DSG4: variants seen among roughly 807,000 people sequenced by gnomAD.
DSG4 encodes the protein desmoglein-4.
A neutral mutation model predicts 93.1 loss-of-function variants in DSG4; 87 were observed. That is an observed-to-expected ratio of 0.93 (90% confidence interval 0.79 to 1.12). The LOEUF (loss-of-function observed/expected upper bound fraction) is 1.12, where lower values mean the gene tolerates loss of function less well. Among genes scored for constraint, DSG4 ranks in the 50% most tolerant of loss-of-function variants. The pLI is 0.00. For missense variants in DSG4, 1,373 were observed against 1,285.7 expected (o/e 1.07, Z -1.04); for synonymous variants, 432 against 452.9 (o/e 0.95, Z 0.59).
chr18:31,413,548 C>T lies in DSG4; in HGVS notation c.3076C>T (p.Arg1026Ter), dbSNP rs1417105224. Residue 1026 changes from arginine to a stop codon, truncating the protein, a stop_gained, in exon 16 of 16, where the codon CGA becomes TGA. Transcript: ENST00000308128. LOFTEE classifies it high-confidence loss of function. Reference sequence around the variant, plus strand: ...TGGCTCCACATCCCCCATGACATCTCGACACAGAGTAACACGATACAGTAA... The same window carrying T: ...TGGCTCCACATCCCCCATGACATCTTGACACAGAGTAACACGATACAGTAA... ...TVGSTSPMTS[R>*]HRVTRYSNIH... is the part of the protein sequence containing the mutation. 21 of 1,613,878 alleles carry T rather than the reference C, an allele frequency of 1.3e-5. No homozygotes were observed. The highest frequency in any genetic ancestry group is 5.3e-5 in the African/African-American group (4 of 74,878).
intron 5 of DSG4, among the ~76,000 whole-genome samples, chr18:31,389,580 A>G (rs2072226672): frequency 6.6e-6 from 1 of 151,618 alleles, no homozygotes; most frequent in Non-Finnish European, 1.5e-5. Context: ...ATTCTCCTGA[A>G]CTTCTTTCCT....
chr18:31,392,376 A>G, intron 8 of DSG4, 36 bp downstream of exon 8: 1 of 1,605,256 alleles, frequency 6.2e-7, no homozygotes, highest in Non-Finnish European at 8.5e-7. Flanking sequence ...TTCTTCCAAA[A>G]TATTTTATTC....
At chr18:31,411,083 G>A in intron 14 of DSG4, 148 bp from the exon 15 acceptor site, 2 of 1,561,170 alleles carry the variant, frequency 1.3e-6, no homozygotes, top group Non-Finnish European at 8.7e-7. Context: ...GAGATGTATC[G>A]GTGTAACTTG....
intron 8 of DSG4, among the ~76,000 whole-genome samples, chr18:31,393,527 T>A (rs1390626876): frequency 6.6e-6 from 1 of 152,038 alleles, no homozygotes; most frequent in East Asian, 1.9e-4. Context: ...GGTCCTAGAC[T>A]CCTGTAAACA....
At position 31,410,515 on chromosome 18, in the gene DSG4, G is replaced by GT. The variant is rs555376170; in HGVS notation, c.2138-707dup. On this transcript the variant is annotated intron_variant, in intron 14 of 15. Transcript: ENST00000308128. ...GTAGTAATTATTTATAATACAAGCTGTTTTTTTTTAAAGAGCTAAAGAAAA... is the reference window on the plus strand; with the variant it reads ...GTAGTAATTATTTATAATACAAGCTGTTTTTTTTTTAAAGAGCTAAAGAAAA... 2.1e-3 allele frequency among the ~76,000 whole-genome samples: 308 copies of GT among 149,812 alleles called. 1 individual carries two copies. The highest frequency in any genetic ancestry group is 6.2e-3 in the African/African-American group (251 of 40,348).
intron 1 of DSG4, among the ~76,000 whole-genome samples, chr18:31,378,407 G>C (rs73410250): frequency 0.022 from 3,290 of 152,210 alleles, 123 homozygotes; most frequent in African/African-American, 0.075. Context: ...AAGGAAAATT[G>C]TATGTGTCAA....
At chr18:31,381,111 T>C (rs2072129306) in intron 1 of DSG4, among the ~76,000 whole-genome samples, 1 of 152,202 alleles carries the variant, frequency 6.6e-6, no homozygotes, top group Admixed American at 6.5e-5. Flanking sequence ...ATGAAAATGT[T>C]TCAATGAATG....
At chr18:31,400,525 A>C (rs1330108447) in intron 9 of DSG4, among the ~76,000 whole-genome samples, 2 of 152,212 alleles carry the variant, frequency 1.3e-5, no homozygotes, top group African/African-American at 2.4e-5. Flanking sequence ...AAAAATCCTA[A>C]GTATACCACA....
chr18:31,395,518 G>A (rs141075806), intron 8 of DSG4, among the ~76,000 whole-genome samples: 100 of 152,142 alleles, frequency 6.6e-4, no homozygotes, highest in Non-Finnish European at 1.1e-3. Context: ...GAACATAAGC[G>A]TAATTTTCCC....
intron 8 of DSG4, 64 bp downstream of exon 8, chr18:31,392,404 A>T (rs2072260339): frequency 1.7e-5 from 26 of 1,533,816 alleles, no homozygotes; most frequent in Non-Finnish European, 2.3e-5. Context: ...GTTTTAAATG[A>T]CCTTAGAGAC....
chr18:31,381,874 T>C (rs1439325692), intron 1 of DSG4, among the ~76,000 whole-genome samples: 1 of 150,698 alleles, frequency 6.6e-6, no homozygotes, highest in African/African-American at 2.4e-5. Flanking sequence ...TTTCACTATG[T>C]TGGCTAGGCT....
rs758211299 is a variant in DSG4, at chr18:31,390,726, C to G, written c.588C>G (p.Tyr196Ter). The change falls in exon 6 of 16, where the codon TAC becomes TAG. Residue 196 changes from tyrosine (Y) to a stop codon, truncating the protein, a stop_gained. Transcript: ENST00000308128. LOFTEE classifies it high-confidence loss of function. Reference protein sequence around the residue: ...EENHLNSKIAYKIVSQEPSGA... With the variant: ...EENHLNSKIA The stretch of plus-strand genomic sequence containing the variant: ...ATCATCTGAATTCTAAAATTGCCTA[C>G]AAGATCGTCTCTCAGGAGCCATCAG... The G allele has an allele frequency of 1.9e-6, 3 of 1,613,812 alleles. No individual in the cohort carries two copies. The highest frequency in any genetic ancestry group is 2.5e-6 in the Non-Finnish European group (3 of 1,179,806).
At chr18:31,387,750 G>A (rs538505057) in intron 3 of DSG4, among the ~76,000 whole-genome samples, 6 of 152,114 alleles carry the variant, frequency 3.9e-5, no homozygotes, top group East Asian at 1.9e-4. Flanking sequence ...TGCTCTTATC[G>A]TTAGTATATA....
At chr18:31,391,341 T>A (rs562338814) in intron 7 of DSG4, 129 bp downstream of exon 7, 12 of 1,331,722 alleles carry the variant, frequency 9.0e-6, no homozygotes, top group African/African-American at 1.5e-5. Flanking sequence ...AACTTTGTTA[T>A]AGAAACTTTG....
At chr18:31,400,819 C>G in intron 9 of DSG4, 62 bp from the exon 10 acceptor site, 1 of 1,557,414 alleles carries the variant, frequency 6.4e-7, no homozygotes, top group Admixed American at 1.7e-5. Context: ...GTAGCTGTTA[C>G]ATGATTTAAA....
intron 9 of DSG4, among the ~76,000 whole-genome samples, chr18:31,399,969 A>G (rs2072347303): frequency 6.6e-6 from 1 of 152,168 alleles, no homozygotes; most frequent in South Asian, 2.1e-4. Flanking sequence ...TGCTTAATCT[A>G]AGAGAAAAAC....
In DSG4 at chr18:31,376,953, T is replaced by C. The variant is rs1204413782; in HGVS notation, c.42T>C (p.Ile14=). The change falls in exon 1 of 16, where the codon ATT becomes ATC. Residue 14 remains isoleucine (I), a synonymous_variant. Coordinates refer to ENST00000308128, the MANE Select transcript of DSG4 (RefSeq NM_177986.5). ...LFFRNICLLI[I]LMVVMEVNSE... is the part of the protein sequence containing the mutation. Reference sequence around the variant, plus strand: ...TCAGAAACATTTGCCTTTTGATCATTCTAATGGTAAGTAGAATTTAAAGAG... The same window carrying C: ...TCAGAAACATTTGCCTTTTGATCATCCTAATGGTAAGTAGAATTTAAAGAG... 2.5e-6 allele frequency: 4 copies of C among 1,613,474 alleles called. No individual in the cohort carries two copies. The highest frequency in any genetic ancestry group is 8.5e-7 in the Non-Finnish European group (1 of 1,179,604).
rs775926791 is a variant in DSG4, at chr18:31,390,673, T to G, written c.535T>G (p.Leu179Val). Residue 179 changes from leucine (L) to valine (V), a missense_variant, in exon 6 of 16, where the codon TTA (leucine) becomes GTA (valine). Coordinates refer to ENST00000308128, the MANE Select transcript of DSG4 (RefSeq NM_177986.5). Reference protein sequence around the residue: ...NSDANTLVVKLCATDADEENH... With the variant: ...NSDANTLVVKVCATDADEENH... ...ATTTCTAGATACATTGGTAGTAAAGTTATGTGCCACAGATGCAGATGAAGA... is the reference window on the plus strand; with the variant it reads ...ATTTCTAGATACATTGGTAGTAAAGGTATGTGCCACAGATGCAGATGAAGA... 1.5e-5 allele frequency: 24 copies of G among 1,613,492 alleles called. No homozygotes were observed. Among genetic ancestry groups the G allele is most frequent in the Non-Finnish European group, 1.9e-5 (23 of 1,179,640 alleles).
chr18:31,402,136 G>T (rs747565187), intron 10 of DSG4, among the ~76,000 whole-genome samples: 9 of 152,204 alleles, frequency 5.9e-5, no homozygotes, highest in Non-Finnish European at 1.3e-4. Context: ...GAGAGAGAAA[G>T]TGCTGTCAAA....
Sources: allele counts gnomAD v4.1 joint callset (sites outside exome capture counted in the v4.1 genomes callset), GRCh38; gene constraint gnomAD v4.1.1; transcripts MANE v1.5; gene names NCBI Gene and HGNC (gene_info 2026-07-23, HGNC 2026-07-21).